The following RABGEF1 variants were observed in gnomAD, a reference collection of about 807,000 sequenced individuals.
The protein encoded by RABGEF1 is RAB guanine nucleotide exchange factor 1, also known as rab5 GDP/GTP exchange factor.
RABGEF1 carries 26 observed loss-of-function variants against 57.3 expected under a neutral mutation model. That is an observed-to-expected ratio of 0.45 (90% CI 0.33 to 0.63). The LOEUF is 0.63. Ranked by LOEUF, RABGEF1 falls within the 20% of genes least tolerant of loss-of-function variation. The pLI, the probability that RABGEF1 is intolerant of heterozygous loss-of-function variation, is 0.02. For synonymous variants in RABGEF1, 185 were observed against 210.7 expected (o/e 0.88, Z 1.06); for missense variants, 464 against 607.6 (o/e 0.76, Z 2.48).
intron 5 of RABGEF1, 44 bp from the exon 6 acceptor site, chr7:66,797,328 GAA>G (rs756583259): frequency 2.2e-5 from 31 of 1,379,326 alleles, no homozygotes; most frequent in Middle Eastern, 2.7e-4. Flanking sequence ...AAAAGAGAGA[GAA>G]AAAATATATA....
At chr7:66,668,222 CGA>C in the RABGEF1 span, among the ~76,000 whole-genome samples, 4 of 152,158 alleles carry the variant, frequency 2.6e-5, no homozygotes, top group Non-Finnish European at 4.4e-5. Context: ...CTCAGCCTAC[CGA>C]GTAGCTGGGA....
intron 1 of RABGEF1, among the ~76,000 whole-genome samples, chr7:66,685,254 A>G (rs1433844337): frequency 6.7e-6 from 1 of 148,990 alleles, no homozygotes; most frequent in Non-Finnish European, 1.5e-5. Flanking sequence ...CCTGGGTTCA[A>G]GTGATTCGCC....
At chr7:66,680,490 C>T (rs536296212), upstream of RABGEF1, among the ~76,000 whole-genome samples, 183 of 152,150 alleles carry the variant, frequency 1.2e-3, no homozygotes, top group Middle Eastern at 3.4e-3. Context: ...GTGATCCGCC[C>T]GCCTCTGCCT....
At chr7:66,720,904 C>T (rs1287933891) in intron 2 of RABGEF1, among the ~76,000 whole-genome samples, 1 of 152,080 alleles carries the variant, frequency 6.6e-6, no homozygotes, top group Non-Finnish European at 1.5e-5. Flanking sequence ...ATTTTAAAAA[C>T]AAAGCCATTA....
intron 2 of RABGEF1, among the ~76,000 whole-genome samples, chr7:66,723,209 T>C (rs567239742): frequency 6.6e-6 from 1 of 152,180 alleles, no homozygotes; most frequent in Non-Finnish European, 1.5e-5. Flanking sequence ...CCTCATGTTA[T>C]CTGCCTGCCT....
chr7:66,709,237 G>A (rs1794504651), intron 1 of RABGEF1, among the ~76,000 whole-genome samples: 1 of 152,048 alleles, frequency 6.6e-6, no homozygotes. Context: ...TCGAAATCCT[G>A]ACCTCAGGTG....
intron 4 of RABGEF1, among the ~76,000 whole-genome samples, chr7:66,789,682 C>CA (rs35661980): frequency 0.31 from 18,043 of 57,546 alleles, 4,266 homozygotes; most frequent in Non-Finnish European, 0.36. Context: ...GACTCTATCT[C>CA]AAAAAAAAAA....
intron 1 of RABGEF1, among the ~76,000 whole-genome samples, chr7:66,698,222 T>C (rs1213127376): frequency 6.6e-6 from 1 of 152,144 alleles, no homozygotes; most frequent in African/African-American, 2.4e-5. Context: ...CCAAGTGTCC[T>C]GAGCCTCACC....
chr7:66,711,738 C>T (rs1022496276), intron 1 of RABGEF1, among the ~76,000 whole-genome samples: 5 of 152,118 alleles, frequency 3.3e-5, no homozygotes, highest in Admixed American at 6.6e-5. Flanking sequence ...AGGTGCCTGA[C>T]ACCATGCCCG....
At chr7:66,742,515 C>T (rs1799219566) in intron 1 of RABGEF1, among the ~76,000 whole-genome samples, 1 of 152,110 alleles carries the variant, frequency 6.6e-6, no homozygotes, top group Non-Finnish European at 1.5e-5. Context: ...CTGCATGTGT[C>T]TTGAAGAATG....
intron 1 of RABGEF1, among the ~76,000 whole-genome samples, chr7:66,751,032 CTTTTTTTT>C (rs765625657): frequency 7.0e-6 from 1 of 142,870 alleles, no homozygotes; most frequent in African/African-American, 2.6e-5. Flanking sequence ...CTCTTTTTTT[CTTTTTTTT>C]TTTTTTGAGA....
intron 1 of RABGEF1, among the ~76,000 whole-genome samples, chr7:66,764,088 A>C (rs1216615681): frequency 6.6e-6 from 1 of 152,228 alleles, no homozygotes; most frequent in East Asian, 1.9e-4. Context: ...ACATTCCTAC[A>C]AACAGTATAT....
rs556104336 is a variant in RABGEF1 at position 66,810,074 on chromosome 7, C to G, written c.*790C>G. ...TTTCCCTCATTCATTCAGCAAATCT[C>G]TATTGAGTTCTTCAGTGAGAAGGAG... is the stretch of plus-strand genomic sequence containing the variant. On this transcript the variant is annotated 3_prime_UTR_variant, in exon 9 of 9. Transcript: ENST00000284957. The G allele has an allele frequency of 1.3e-5, 2 of 152,276 alleles. No individual in the cohort carries two copies. Among genetic ancestry groups the G allele is most frequent in the Admixed American group, 1.3e-4 (2 of 15,288 alleles). The allele number at this position is 152,276 out of a possible 1,614,324, so 9.4% of individuals were successfully genotyped here. A position where few individuals can be genotyped will look rare whatever the true frequency, so the allele number is the denominator to read the frequency against.
chr7:66,743,671 T>C (rs759963860), intron 1 of RABGEF1, among the ~76,000 whole-genome samples: 22 of 152,010 alleles, frequency 1.4e-4, no homozygotes, highest in Non-Finnish European at 2.8e-4. Flanking sequence ...CTGGCTAATT[T>C]TTTCTATTTT....
intron 2 of RABGEF1, among the ~76,000 whole-genome samples, chr7:66,733,773 C>T (rs1322039670): frequency 2.6e-5 from 4 of 152,022 alleles, no homozygotes; most frequent in African/African-American, 9.7e-5. Flanking sequence ...GAGGCTGAGA[C>T]GGGCAGATCA....
intron 4 of RABGEF1, among the ~76,000 whole-genome samples, chr7:66,785,206 A>G (rs1810876575): frequency 6.6e-6 from 1 of 152,212 alleles, no homozygotes; most frequent in Non-Finnish European, 1.5e-5. Flanking sequence ...AAATATCACA[A>G]TGCCTATTTG....
the RABGEF1 span, among the ~76,000 whole-genome samples, chr7:66,675,838 A>G: frequency 6.6e-6 from 1 of 152,198 alleles, no homozygotes; most frequent in Non-Finnish European, 1.5e-5. Flanking sequence ...CAGCATGAAA[A>G]AGTATAAAAT....
intron 1 of RABGEF1, among the ~76,000 whole-genome samples, chr7:66,708,276 T>TA (rs1794360988): frequency 1.4e-5 from 2 of 145,602 alleles, no homozygotes; most frequent in South Asian, 4.3e-4. Flanking sequence ...GTAGTTTGGG[T>TA]TTTTTTTTTT....
intron 1 of RABGEF1, among the ~76,000 whole-genome samples, chr7:66,710,849 G>A (rs1272662357): frequency 3.3e-5 from 5 of 151,914 alleles, no homozygotes; most frequent in South Asian, 2.1e-4. Context: ...ACCTGTAATC[G>A]CACCATTTTG....
Sources: gnomAD v4.1 joint callset for allele counts (sites outside exome capture counted in the v4.1 genomes callset) on GRCh38, gnomAD v4.1.1 for gene constraint, MANE v1.5 for transcripts, NCBI Gene and HGNC (gene_info 2026-07-23, HGNC 2026-07-21) for gene names.